The following DIP2B variants were observed in gnomAD, a reference collection of about 807,000 sequenced individuals.
The protein encoded by DIP2B is DIP2 acetate--CoA ligase B (putative).
A neutral mutation model predicts 198.0 loss-of-function variants in DIP2B; 76 were observed. The ratio of observed to expected loss-of-function variants is 0.38; its 90% CI spans 0.32 to 0.46. The LOEUF is 0.46. DIP2B is among the 20% of genes least tolerant of loss of function. The pLI is 0.99. For synonymous variants in DIP2B, 701 were observed against 739.1 expected (o/e 0.95, Z 0.84); for missense variants, 1,559 against 1,978.4 (o/e 0.79, Z 4.02).
At chr12:50,524,568 G>A (rs7953560) in intron 1 of DIP2B, among the ~76,000 whole-genome samples, 1 of 150,642 alleles carries the variant, frequency 6.6e-6, no homozygotes, top group South Asian at 2.1e-4. Flanking sequence ...CCATCCTCCC[G>A]CTTCCCTCTT....
At chr12:50,610,700 G>A (rs1211131503) in intron 1 of DIP2B, among the ~76,000 whole-genome samples, 2 of 151,832 alleles carry the variant, frequency 1.3e-5, no homozygotes, top group Non-Finnish European at 2.9e-5. Context: ...TAGAGATGGG[G>A]TTTCACCATG....
chr12:50,678,875 T>A lies in DIP2B; in HGVS notation c.1113T>A (p.Tyr371Ter). 1 of 1,614,192 alleles carries A rather than the reference T, an allele frequency of 6.2e-7. No homozygotes were observed. Among genetic ancestry groups the A allele is most frequent in the South Asian group, 1.1e-5 (1 of 91,080 alleles). ...GGAAACCAGTTTACACTCTTACATA[T>A]GGTGAGTCTGCAAGATTCCAGATCC... Reference protein sequence around the residue: ...MTGKPVYTLTYGKLWSRSLKL... With the variant: ...MTGKPVYTLT Residue 371 changes from tyrosine (Y) to a stop codon, truncating the protein, a stop_gained and splice_region_variant, in exon 8 of 38, where the codon TAT (tyrosine) becomes TAA (stop). Coordinates refer to ENST00000301180, the MANE Select transcript of DIP2B (RefSeq NM_173602.3). LOFTEE classifies it high-confidence loss of function.
rs1213463390 is a variant in DIP2B, at chr12:50,727,275, G to T, written c.3401-428G>T. ...TTTTTGAGCATTTCTTCAGTCAGTT[G>T]CTTTAAAAGTGCTTTATGTGAATTA... On this transcript the variant is annotated intron_variant, in intron 28 of 37. Coordinates refer to ENST00000301180, the MANE Select transcript of DIP2B (RefSeq NM_173602.3). Among the ~76,000 whole-genome samples, 3 of 152,190 alleles carry T rather than the reference G, an allele frequency of 2.0e-5. No individual in the cohort carries two copies. In the East Asian group the frequency reaches 5.8e-4, roughly 29 times the overall value.
rs11169524 is a variant in DIP2B, at chr12:50,695,951, T to G, written c.1917T>G (p.Thr639=). 6.2e-7 allele frequency: 1 copy of G among 1,613,794 alleles called. No homozygotes were observed. The highest frequency in any genetic ancestry group is 1.3e-5 in the African/African-American group (1 of 74,932). ...GTTCCCTCCGAATGTTAATTGTGAC[T>G]GATGGAGCTAACCCCTGTGAGTATT... ...SLSSLRMLIV[T]DGANPWSVSS... is the part of the protein sequence containing the mutation. The change falls in exon 16 of 38, where the codon ACT becomes ACG. Residue 639 remains threonine, a synonymous_variant. Coordinates refer to ENST00000301180, the MANE Select transcript of DIP2B (RefSeq NM_173602.3).
At chr12:50,606,710 G>A (rs566647941) in intron 1 of DIP2B, among the ~76,000 whole-genome samples, 2 of 151,896 alleles carry the variant, frequency 1.3e-5, no homozygotes, top group South Asian at 4.2e-4. Flanking sequence ...CGCCCAGGCT[G>A]GTCTCCAACT....
intron 1 of DIP2B, among the ~76,000 whole-genome samples, chr12:50,524,343 C>T (rs7953102): frequency 6.6e-5 from 10 of 152,136 alleles, no homozygotes; most frequent in Non-Finnish European, 1.5e-4. Context: ...ATTACTTCCC[C>T]GCTTTATAGC....
chr12:50,688,318 A>T (rs922500381), intron 12 of DIP2B, among the ~76,000 whole-genome samples: 2 of 152,146 alleles, frequency 1.3e-5, no homozygotes, highest in Non-Finnish European at 2.9e-5. Context: ...TGCCAGGATG[A>T]TTGTTTTTAA....
In DIP2B at chr12:50,547,310, G is replaced by T. The variant is rs566520246; in HGVS notation, c.100+42070G>T. Among the ~76,000 whole-genome samples, 13 of 152,262 alleles carry T rather than the reference G, an allele frequency of 8.5e-5. No individual in the cohort carries two copies. The South Asian group carries it at 2.5e-3, about 29-fold the overall frequency. ...CACTAGAGTAATTTAAAAATACTTA[G>T]TGGAAATATTCATTGATACCATCTT... On this transcript the variant is annotated intron_variant, in intron 1 of 37. Coordinates refer to ENST00000301180, the MANE Select transcript of DIP2B (RefSeq NM_173602.3).
At chr12:50,652,922 T>G (rs772429021) in intron 3 of DIP2B, among the ~76,000 whole-genome samples, 24 of 151,828 alleles carry the variant, frequency 1.6e-4, no homozygotes, top group South Asian at 4.2e-4. Flanking sequence ...GGTAATTCAT[T>G]GTTAGTGTAT....
intron 10 of DIP2B, among the ~76,000 whole-genome samples, chr12:50,684,109 T>C (rs1393576606): frequency 2.0e-5 from 3 of 152,172 alleles, no homozygotes; most frequent in Non-Finnish European, 4.4e-5. Context: ...CAAGCAAGAC[T>C]CTGTTTCAGA....
At chr12:50,675,101 A>G (rs905054427) in intron 6 of DIP2B, among the ~76,000 whole-genome samples, 4 of 152,246 alleles carry the variant, frequency 2.6e-5, no homozygotes, top group Non-Finnish European at 5.9e-5. Context: ...AAAAAAGAAT[A>G]ACTGAAAAGG....
intron 23 of DIP2B, among the ~76,000 whole-genome samples, chr12:50,718,033 G>A (rs1939764983): frequency 6.6e-6 from 1 of 150,414 alleles, no homozygotes; most frequent in South Asian, 2.1e-4. Context: ...CCGAGTAGCT[G>A]GGACTACAGG....
intron 1 of DIP2B, among the ~76,000 whole-genome samples, chr12:50,598,671 C>T (rs1239128038): frequency 6.7e-6 from 1 of 148,386 alleles, no homozygotes; most frequent in Non-Finnish European, 1.5e-5. Flanking sequence ...CTTTCAGTTG[C>T]AGCTTTGATG....
intron 1 of DIP2B, among the ~76,000 whole-genome samples, chr12:50,599,801 G>A (rs1304589591): frequency 6.6e-6 from 1 of 152,162 alleles, no homozygotes; most frequent in East Asian, 1.9e-4. Flanking sequence ...ATTTATTAGT[G>A]TAACAGCTAT....
intron 1 of DIP2B, among the ~76,000 whole-genome samples, chr12:50,617,528 G>A (rs1389677895): frequency 1.3e-5 from 2 of 151,906 alleles, no homozygotes; most frequent in East Asian, 3.9e-4. Context: ...GATGAAAGGG[G>A]TCAGGGGCAG....
intron 7 of DIP2B, among the ~76,000 whole-genome samples, chr12:50,677,942 G>T (rs922191454): frequency 2.0e-5 from 3 of 151,778 alleles, no homozygotes; most frequent in Non-Finnish European, 4.4e-5. Flanking sequence ...AGGATGCTCA[G>T]TGCTTTCCTA....
At chr12:50,602,249 C>G (rs915018623) in intron 1 of DIP2B, among the ~76,000 whole-genome samples, 1 of 152,152 alleles carries the variant, frequency 6.6e-6, no homozygotes, top group Non-Finnish European at 1.5e-5. Flanking sequence ...ATACATATCT[C>G]TTGGCAATAT....
intron 7 of DIP2B, among the ~76,000 whole-genome samples, chr12:50,676,887 G>A (rs549232750): frequency 3.9e-5 from 6 of 152,178 alleles, no homozygotes; most frequent in South Asian, 4.1e-4. Context: ...GTGGTTTAGC[G>A]TCTGGGAATG....
chr12:50,733,022 C>T (rs1199450165), intron 32 of DIP2B, among the ~76,000 whole-genome samples: 4 of 152,024 alleles, frequency 2.6e-5, no homozygotes, highest in Non-Finnish European at 5.9e-5. Context: ...TCTCTCACGT[C>T]AGCCTCCAGA....
Sources: gnomAD v4.1 joint callset for allele counts (sites outside exome capture counted in the v4.1 genomes callset) on GRCh38, gnomAD v4.1.1 for gene constraint, MANE v1.5 for transcripts, NCBI Gene and HGNC (gene_info 2026-07-23, HGNC 2026-07-21) for gene names.